Variants in MATN2 observed in about 807,000 individuals in gnomAD.
The protein encoded by MATN2 is matrilin 2, also known as matrilin-2.
Under a neutral mutation model 103.2 loss-of-function variants are expected in MATN2, and 69 were observed. The observed-to-expected ratio is 0.67, with a 90% confidence interval of 0.55 to 0.82. The LOEUF (loss-of-function observed/expected upper bound fraction) is 0.82. MATN2 is among the 40% of genes least tolerant of loss of function. MATN2 has a pLI of 0.00. For missense variants in MATN2, 1,023 were observed against 1,211.5 expected (o/e 0.84, Z 2.31); for synonymous variants, 429 against 450.2 (o/e 0.95, Z 0.60).
chr8:97,905,206 T>G (rs1819126530), intron 2 of MATN2, among the ~76,000 whole-genome samples: 2 of 152,134 alleles, frequency 1.3e-5, no homozygotes, highest in South Asian at 4.1e-4. Context: ...TCCTTTGCAT[T>G]CATTTACTTG....
intron 2 of MATN2, among the ~76,000 whole-genome samples, chr8:97,898,998 C>G (rs751468206): frequency 2.0e-5 from 3 of 152,052 alleles, no homozygotes; most frequent in Non-Finnish European, 4.4e-5. Context: ...TCAAGCGATC[C>G]TCCTGCTGTG....
intron 2 of MATN2, among the ~76,000 whole-genome samples, chr8:97,924,806 A>C (rs1020654): frequency 0.66 from 99,366 of 151,278 alleles, 33,318 homozygotes; most frequent in East Asian, 0.92. Flanking sequence ...GCAAGGAAAG[A>C]ACTGACCCCA....
chr8:98,021,509 A>C (rs1037095637), intron 13 of MATN2, among the ~76,000 whole-genome samples, 182 bp downstream of exon 13: 1 of 152,214 alleles, frequency 6.6e-6, no homozygotes, highest in Admixed American at 6.5e-5. Context: ...TTTCGGTTTT[A>C]ATTGACAGTA....
chr8:97,874,905 A>C (rs1289422490), intron 1 of MATN2, among the ~76,000 whole-genome samples: 1 of 151,792 alleles, frequency 6.6e-6, no homozygotes, highest in Non-Finnish European at 1.5e-5. Flanking sequence ...TTTAGTAGAG[A>C]TGGGGTTTCA....
At chr8:98,025,465 C>G (rs564112080) in intron 13 of MATN2, 123 of 196,928 alleles carry the variant, frequency 6.2e-4, no homozygotes, top group African/African-American at 2.8e-3. Flanking sequence ...ATGAGATCAT[C>G]TGGCCCAGCA....
At chr8:98,025,485 A>G (rs1046562443) in intron 13 of MATN2, 1 of 234,608 alleles carries the variant, frequency 4.3e-6, no homozygotes, top group Non-Finnish European at 8.6e-6. Context: ...ACGGTGGCTC[A>G]CGCCTGTAAT....
chr8:97,937,707 G>C (rs1379287214), intron 3 of MATN2, among the ~76,000 whole-genome samples: 2 of 147,688 alleles, frequency 1.4e-5, no homozygotes, highest in Non-Finnish European at 3.0e-5. Context: ...TCCTGCCTCA[G>C]CCTCCCAAGT....
Position 98,002,471 on chromosome 8 carries a change from C to CA in MATN2, c.1205-1189dup, listed in dbSNP as rs149687452. On this transcript the variant is annotated intron_variant, in intron 7 of 18. Coordinates refer to ENST00000254898, the MANE Select transcript of MATN2 (RefSeq NM_002380.5). ...GCCTTGTGCCGTCCAATGTCACTGT[C>CA]AGATGTCACTGTAGACAGAAGCTCT... Among the ~76,000 whole-genome samples, 109 of 152,346 alleles carry CA rather than the reference C, an allele frequency of 7.2e-4. 3 individuals carry two copies. The East Asian group carries it at 0.019, about 26-fold the overall frequency.
intron 2 of MATN2, among the ~76,000 whole-genome samples, chr8:97,928,150 A>G (rs1436546152): frequency 6.7e-6 from 1 of 150,314 alleles, no homozygotes; most frequent in African/African-American, 2.5e-5. Flanking sequence ...TCCATCATCT[A>G]CTGCCCCAAC....
At chr8:97,945,086 T>C (rs1563683442) in intron 4 of MATN2, among the ~76,000 whole-genome samples, 1 of 152,196 alleles carries the variant, frequency 6.6e-6, no homozygotes. Flanking sequence ...ATATTCTTTC[T>C]TTTTTGGAGC....
chr8:98,026,364 A>C (rs560381814), intron 13 of MATN2, among the ~76,000 whole-genome samples: 1 of 151,626 alleles, frequency 6.6e-6, no homozygotes, highest in Non-Finnish European at 1.5e-5. Context: ...GGCTCCGGTA[A>C]TCTTTCTGCC....
chr8:98,014,575 C>A (rs1813294029), intron 10 of MATN2, among the ~76,000 whole-genome samples: 1 of 152,196 alleles, frequency 6.6e-6, no homozygotes, highest in Non-Finnish European at 1.5e-5. Flanking sequence ...CAAAGAAATT[C>A]CCTTCACATT....
chr8:97,918,619 T>A (rs1248085290), intron 2 of MATN2, among the ~76,000 whole-genome samples: 1 of 152,168 alleles, frequency 6.6e-6, no homozygotes, highest in African/African-American at 2.4e-5. Context: ...GGCACTGGCC[T>A]GGGCAGAGGG....
chr8:97,927,963 T>A (rs777893841), intron 2 of MATN2, among the ~76,000 whole-genome samples: 1 of 152,150 alleles, frequency 6.6e-6, no homozygotes, highest in Non-Finnish European at 1.5e-5. Flanking sequence ...TTAATTAATA[T>A]CCTCCTCCAT....
intron 6 of MATN2, among the ~76,000 whole-genome samples, chr8:97,990,993 G>A (rs1812370660): frequency 6.6e-6 from 1 of 152,122 alleles, no homozygotes; most frequent in African/African-American, 2.4e-5. Context: ...TTGAGTATGT[G>A]CAGTTTGGTT....
Position 97,923,073 on chromosome 8 carries a change from C to T in MATN2, c.143-7880C>T, listed in dbSNP as rs115422773. Among the ~76,000 whole-genome samples the T allele has an allele frequency of 3.3e-3, 503 of 152,236 alleles. 2 individuals are homozygous for T. Among genetic ancestry groups the T allele is most frequent in the African/African-American group, 1.0e-2 (414 of 41,530 alleles). On this transcript the variant is annotated intron_variant, in intron 2 of 18. Transcript: ENST00000254898. Reference sequence around the variant, plus strand: ...TGCTGAGATCCATACTACAGAGTTCCGTGGATCCTCTTGGTCTGTTCCATC... The same window carrying T: ...TGCTGAGATCCATACTACAGAGTTCTGTGGATCCTCTTGGTCTGTTCCATC...
chr8:97,993,725 T>A (rs181650306), intron 6 of MATN2, among the ~76,000 whole-genome samples: 50 of 152,330 alleles, frequency 3.3e-4, no homozygotes, highest in African/African-American at 1.1e-3. Context: ...TCCTAGGCCT[T>A]ATTTTTCCCA....
intron 2 of MATN2, among the ~76,000 whole-genome samples, chr8:97,903,618 G>A (rs1819064281): frequency 6.6e-6 from 1 of 152,208 alleles, no homozygotes; most frequent in African/African-American, 2.4e-5. Context: ...TCCTAGGCGG[G>A]AACTGGGAAG....
chr8:97,934,631 C>G (rs1810313121), intron 3 of MATN2, among the ~76,000 whole-genome samples: 1 of 152,206 alleles, frequency 6.6e-6, no homozygotes. Context: ...CACAAAATCA[C>G]AGGAACAATC....
Sources: allele counts gnomAD v4.1 joint callset (sites outside exome capture counted in the v4.1 genomes callset), GRCh38; gene constraint gnomAD v4.1.1; transcripts MANE v1.5; gene names NCBI Gene and HGNC (gene_info 2026-07-23, HGNC 2026-07-21).